The following IQGAP2 variants were observed in gnomAD, a reference collection of about 807,000 sequenced individuals.
The protein encoded by IQGAP2 is ras GTPase-activating-like protein IQGAP2.
In IQGAP2, 173 loss-of-function variants were observed where a neutral mutation model predicts 201.3. The observed-to-expected ratio is 0.86, with a 90% CI of 0.76 to 0.98. IQGAP2 has a LOEUF of 0.98. IQGAP2 is among the 50% of genes least tolerant of loss of function. IQGAP2 has a pLI of 0.00. For missense variants in IQGAP2, 1,687 were observed against 1,864.8 expected (o/e 0.90, Z 1.76); for synonymous variants, 675 against 673.9 (o/e 1.00, Z -0.03).
intron 35 of IQGAP2, among the ~76,000 whole-genome samples, chr5:76,706,276 T>TA (rs1360461345): frequency 1.3e-5 from 2 of 152,204 alleles, no homozygotes; most frequent in Non-Finnish European, 2.9e-5. Context: ...GCTTCCCCAG[T>TA]GAATGTCTTG....
At position 76,617,115 on chromosome 5, in the gene IQGAP2, A is replaced by G. The variant is rs2069703; in HGVS notation, c.1521+5932A>G. 1.1e-3 allele frequency: 169 copies of G among 155,826 alleles called. 2 individuals carry two copies. In the East Asian group the frequency reaches 0.013, roughly 12 times the overall value. The allele number at this position is 155,826 out of a possible 1,614,324, so 9.7% of individuals were successfully genotyped here. On this transcript the variant is annotated intron_variant, in intron 13 of 35. Transcript: ENST00000274364. ...AGAGTTGTGATATCTTTTCTCCTGC[A>G]TTAACATTTTTAAAATACTGATAAA...
intron 13 of IQGAP2, chr5:76,618,519 G>C (rs372087578): frequency 1.2e-6 from 2 of 1,614,118 alleles, no homozygotes; most frequent in Non-Finnish European, 1.7e-6. Context: ...TACAGTAATC[G>C]TGGCTCCTGT....
intron 2 of IQGAP2, among the ~76,000 whole-genome samples, chr5:76,511,959 C>A (rs1388544001): frequency 1.3e-5 from 2 of 152,154 alleles, no homozygotes; most frequent in Admixed American, 6.5e-5. Flanking sequence ...GGATTACAGG[C>A]GTGAGCCACC....
intron 2 of IQGAP2, among the ~76,000 whole-genome samples, chr5:76,556,068 T>C (rs1288018948): frequency 6.6e-6 from 1 of 152,080 alleles, no homozygotes; most frequent in African/African-American, 2.4e-5. Context: ...AGAAGGTTAA[T>C]AGGTAGAAGA....
intron 1 of IQGAP2, among the ~76,000 whole-genome samples, chr5:76,454,515 C>G (rs1431343688): frequency 6.7e-6 from 1 of 148,686 alleles, no homozygotes; most frequent in East Asian, 2.0e-4. Context: ...TTGTTCATTT[C>G]CCACCTATGA....
At position 76,658,811 on chromosome 5, in the gene IQGAP2, C is replaced by T. The variant is rs557664575; in HGVS notation, c.2529+144C>T. ...TGATGCAAACATCATAGAGCACTTA[C>T]CTAAACATAGATGGTGGAGTCTACT... On this transcript the variant is annotated intron_variant, in intron 21 of 35. Transcript: ENST00000274364. 5 of 756,728 alleles carry T rather than the reference C, an allele frequency of 6.6e-6. No homozygotes were observed. The African/African-American group carries it at 7.1e-5, about 11-fold the overall frequency. 46.9% of individuals were successfully genotyped at this position (756,728 alleles called of 1,614,324 possible).
chr5:76,492,460 G>A (rs576776525), intron 2 of IQGAP2, among the ~76,000 whole-genome samples: 3 of 152,296 alleles, frequency 2.0e-5, no homozygotes, highest in East Asian at 1.9e-4. Context: ...ACGAGGAGGA[G>A]CACAAGGAAA....
intron 2 of IQGAP2, among the ~76,000 whole-genome samples, chr5:76,539,586 C>T (rs1055779082): frequency 6.6e-6 from 1 of 152,158 alleles, no homozygotes; most frequent in African/African-American, 2.4e-5. Context: ...CCAACCCCTA[C>T]CTGGTTGGGG....
At chr5:76,441,617 C>T in intron 1 of IQGAP2, 1 of 614,394 alleles carries the variant, frequency 1.6e-6, no homozygotes, top group Non-Finnish European at 2.0e-6. Context: ...ACTTCTGGTT[C>T]TGTTCCCATT....
intron 2 of IQGAP2, among the ~76,000 whole-genome samples, chr5:76,478,531 C>T (rs899455731): frequency 6.6e-6 from 1 of 152,002 alleles, no homozygotes; most frequent in African/African-American, 2.4e-5. Flanking sequence ...TCAAGTGATC[C>T]GCCCACCTTG....
Position 76,668,733 on chromosome 5 carries a change from C to T in IQGAP2, c.2732C>T (p.Ser911Phe). ...ATTTTCCAGATGCCACAGAACAAGT[C>T]CACTAAATTTATGGATACTGTTATT... ...KLIFQMPQNK[S>F]TKFMDTVIFT... Residue 911 changes from serine (S) to phenylalanine (F), a missense_variant, in exon 23 of 36, where the codon TCC (serine) becomes TTC (phenylalanine). Transcript: ENST00000274364. 1.2e-6 allele frequency: 2 copies of T among 1,611,766 alleles called. No homozygotes were observed. The highest frequency in any genetic ancestry group is 1.7e-6 in the Non-Finnish European group (2 of 1,178,764).
intron 23 of IQGAP2, among the ~76,000 whole-genome samples, 200 bp downstream of exon 23, chr5:76,669,044 C>G (rs1222921476): frequency 1.3e-5 from 2 of 152,148 alleles, no homozygotes; most frequent in East Asian, 1.9e-4. Flanking sequence ...GATACTTTCT[C>G]TAGTGTTAAA....
intron 32 of IQGAP2, 100 bp downstream of exon 32, chr5:76,695,766 G>T (rs1746670923): frequency 1.2e-6 from 1 of 868,458 alleles, no homozygotes; most frequent in African/African-American, 1.7e-5. Flanking sequence ...GGGATTCATG[G>T]TTGCATATGC....
chr5:76,702,698 C>CAGTGCCAGCCTTATTTGCCGAAAACA, intron 35 of IQGAP2, 108 bp downstream of exon 35: 1 of 626,500 alleles, frequency 1.6e-6, no homozygotes. Context: ...AACAGAAAAC[C>CAGTGCCAGCCTTATTTGCCGAAAACA]AGTGCCAGCC....
At chr5:76,681,748 A>C (rs933416397) in intron 28 of IQGAP2, among the ~76,000 whole-genome samples, 4 of 152,340 alleles carry the variant, frequency 2.6e-5, no homozygotes, top group Admixed American at 6.5e-5. Flanking sequence ...CACTTCTGGA[A>C]GTATACCCAT....
chr5:76,573,091 G>A (rs777681165), intron 4 of IQGAP2, among the ~76,000 whole-genome samples: 9 of 152,164 alleles, frequency 5.9e-5, no homozygotes, highest in Non-Finnish European at 8.8e-5. Flanking sequence ...TTGTGATTTA[G>A]CAACTACTAA....
chr5:76,539,414 C>T (rs1742606407), intron 2 of IQGAP2, among the ~76,000 whole-genome samples: 1 of 152,178 alleles, frequency 6.6e-6, no homozygotes, highest in Non-Finnish European at 1.5e-5. Context: ...GCCAAGTTCC[C>T]CCTACTCCCT....
chr5:76,497,731 A>G (rs1443059489), intron 2 of IQGAP2, among the ~76,000 whole-genome samples: 1 of 152,204 alleles, frequency 6.6e-6, no homozygotes, highest in Non-Finnish European at 1.5e-5. Flanking sequence ...GCAAACGACA[A>G]AGTGAGAGTG....
chr5:76,691,491 C>G (rs1483715006), intron 30 of IQGAP2: 1 of 152,188 alleles, frequency 6.6e-6, no homozygotes, highest in Non-Finnish European at 1.5e-5. Context: ...CTGTTTAATA[C>G]ATTGATGATG....
Sources: allele counts gnomAD v4.1 joint callset (sites outside exome capture counted in the v4.1 genomes callset), GRCh38; gene constraint gnomAD v4.1.1; transcripts MANE v1.5; gene names NCBI Gene and HGNC (gene_info 2026-07-23, HGNC 2026-07-21).